MCUR1: variants seen among roughly 807,000 people sequenced by gnomAD.
MCUR1 encodes mitochondrial calcium uniporter regulator 1.
In MCUR1, 37 loss-of-function variants were observed where a neutral mutation model predicts 42.0. The observed-to-expected ratio is 0.88, with a 90% CI of 0.68 to 1.16. The LOEUF is 1.16. MCUR1 is among the 50% of genes most tolerant of loss of function. The pLI is 0.00. For missense variants in MCUR1, 469 were observed against 468.4 expected, an observed-to-expected ratio of 1.00 and a Z score of -0.01; for synonymous variants, 229 against 196.2, an observed-to-expected ratio of 1.17 and a Z score of -1.40.
rs1016002533 is a variant in MCUR1 at position 13,814,416 on chromosome 6, G to A, written c.14C>T (p.Ser5Leu). The change falls in exon 1 of 9, where the codon TCG (serine) becomes TTG (leucine). Residue 5 changes from serine to leucine, a missense_variant. Physicochemically the swap from Ser to Leu is moderately radical, Grantham distance 145 (BLOSUM62 -2). Coordinates refer to ENST00000379170, the MANE Select transcript of MCUR1 (RefSeq NM_001031713.4). The part of the protein sequence containing the change: MDCG[S>L]VGGQRTQRLP... Reference sequence around the variant, plus strand: ...GCGCTGGGTCCTCTGGCCGCCGACCGAGCCGCAGTCCATCCCCGAGCAGTT... The same window carrying A: ...GCGCTGGGTCCTCTGGCCGCCGACCAAGCCGCAGTCCATCCCCGAGCAGTT... 3.2e-6 allele frequency: 5 copies of A among 1,540,928 alleles called. No individual in the cohort carries two copies. The highest frequency in any genetic ancestry group is 4.3e-6 in the Non-Finnish European group (5 of 1,154,238).
intron 6 of MCUR1, among the ~76,000 whole-genome samples, chr6:13,795,319 C>G (rs539643703): frequency 9.2e-5 from 14 of 152,056 alleles, no homozygotes; most frequent in Non-Finnish European, 2.1e-4. Context: ...CACTAAACCT[C>G]AGTCTTCATT....
At position 13,790,812 on chromosome 6, in the gene MCUR1, G is replaced by A; in HGVS notation, c.1077C>T (p.Ile359=). 6.2e-7 allele frequency: 1 copy of A among 1,610,418 alleles called. No individual in the cohort carries two copies. Among genetic ancestry groups the A allele is most frequent in the Non-Finnish European group, 8.5e-7 (1 of 1,177,532 alleles). The change falls in exon 9 of 9, where the codon ATC becomes ATT. Residue 359 remains isoleucine, a synonymous_variant. Coordinates refer to ENST00000379170, the MANE Select transcript of MCUR1 (RefSeq NM_001031713.4). ...ATCACTTTAAATAGACACTTTATTA[G>A]ATCCACAGGCGATAAAATCCCAGAG... ...TVALGFYRLW[I] is the part of the protein sequence containing the mutation.
Position 13,814,052 on chromosome 6 carries a change from G to GT in MCUR1, c.377dup (p.Tyr126Ter). 4.0e-6 allele frequency: 5 copies of GT among 1,239,224 alleles called. No homozygotes were observed. The highest frequency in any genetic ancestry group is 4.0e-6 in the Non-Finnish European group (4 of 993,152). 76.8% of individuals were successfully genotyped at this position (1,239,224 alleles called of 1,614,324 possible). Residue 126 changes from tyrosine to a stop codon, truncating the protein, a stop_gained and frameshift_variant, in exon 1 of 9, where the codon TAC (tyrosine) becomes TAAC (stop). Transcript: ENST00000379170. LOFTEE classifies it high-confidence loss of function. ...AAACGAGTGCAGGCGCCGGGCCGTG[G>GT]TACTGGGGAAGGGCGCCGGCGGCAG... is the stretch of plus-strand genomic sequence containing the variant. ...VAAAAGALPQYHGPAPALVSC... is the reference protein window; with the variant it reads ...VAAAAGALPQ
At chr6:13,802,737 CTTT>C (rs2113468964) in intron 2 of MCUR1, among the ~76,000 whole-genome samples, 1 of 152,090 alleles carries the variant, frequency 6.6e-6, no homozygotes, top group South Asian at 2.1e-4. Context: ...TTATTTTCTT[CTTT>C]ATGTTTCTCT....
At chr6:13,812,475 C>T (rs975174790) in intron 1 of MCUR1, among the ~76,000 whole-genome samples, 1 of 152,158 alleles carries the variant, frequency 6.6e-6, no homozygotes, top group South Asian at 2.1e-4. Context: ...TCTCTTTTTG[C>T]CCTATACTCT....
At chr6:13,798,940 C>CA (rs1759922548) in intron 5 of MCUR1, 36 bp from the exon 6 acceptor site, 1 of 1,321,034 alleles carries the variant, frequency 7.6e-7, no homozygotes. Context: ...AGGAAAAATC[C>CA]AAAGTAAGAA....
intron 4 of MCUR1, 82 bp from the exon 5 acceptor site, chr6:13,800,464 C>A: frequency 1.3e-6 from 1 of 753,774 alleles, no homozygotes. Flanking sequence ...CATATTTATG[C>A]ACAAGTTCCT....
chr6:13,808,298 C>G (rs750729728), intron 1 of MCUR1, among the ~76,000 whole-genome samples: 1 of 152,160 alleles, frequency 6.6e-6, no homozygotes, highest in Non-Finnish European at 1.5e-5. Context: ...CTCCTTATAG[C>G]AGCACAAAAC....
intron 6 of MCUR1, among the ~76,000 whole-genome samples, chr6:13,794,577 T>C (rs1234909588): frequency 6.6e-6 from 1 of 151,928 alleles, no homozygotes; most frequent in Admixed American, 6.6e-5. Flanking sequence ...GACAAAGACA[T>C]TGTGTTGTGA....
chr6:13,813,302 G>A (rs955148918), intron 1 of MCUR1, among the ~76,000 whole-genome samples: 4 of 152,078 alleles, frequency 2.6e-5, no homozygotes, highest in African/African-American at 9.7e-5. Flanking sequence ...AATCGATTCT[G>A]ATCACCCTAT....
chr6:13,792,292 G>A (rs1237590759), intron 7 of MCUR1, among the ~76,000 whole-genome samples: 2 of 152,194 alleles, frequency 1.3e-5, no homozygotes, highest in South Asian at 4.1e-4. Flanking sequence ...TAATCTATGT[G>A]AAAAAGCATT....
chr6:13,802,214 A>G (rs1410641585), intron 3 of MCUR1, 29 bp downstream of exon 3: 1 of 1,569,558 alleles, frequency 6.4e-7, no homozygotes, highest in East Asian at 2.2e-5. Flanking sequence ...TCACAGTCCT[A>G]ATTTGCTAAA....
intron 7 of MCUR1, 116 bp from the exon 8 acceptor site, chr6:13,792,108 G>A (rs1759742316): frequency 1.4e-6 from 1 of 730,794 alleles, no homozygotes; most frequent in South Asian, 1.6e-5. Context: ...AGACTATGGA[G>A]GCCTGGGCTT....
chr6:13,812,149 A>G (rs1441162367), intron 1 of MCUR1, among the ~76,000 whole-genome samples: 1 of 152,178 alleles, frequency 6.6e-6, no homozygotes, highest in African/African-American at 2.4e-5. Context: ...GCATATCAAG[A>G]GAATATTAAA....
chr6:13,793,324 C>G (rs1452295736), intron 7 of MCUR1, among the ~76,000 whole-genome samples: 1 of 152,066 alleles, frequency 6.6e-6, no homozygotes, highest in African/African-American at 2.4e-5. Context: ...GCACCCATGC[C>G]CACAGCAGCA....
chr6:13,792,129 TC>T, intron 7 of MCUR1, 137 bp from the exon 8 acceptor site: 1 of 662,786 alleles, frequency 1.5e-6, no homozygotes, highest in Non-Finnish European at 2.6e-6. Context: ...TAGTCTCAGT[TC>T]TAAAACCCTA....
At chr6:13,796,967 T>C (rs532354878) in intron 6 of MCUR1, among the ~76,000 whole-genome samples, 1 of 150,932 alleles carries the variant, frequency 6.6e-6, no homozygotes, top group African/African-American at 2.5e-5. Flanking sequence ...CATGCTATAG[T>C]CAGTAACTAT....
At chr6:13,800,719 T>C (rs1268548481) in intron 4 of MCUR1, among the ~76,000 whole-genome samples, 1 of 152,224 alleles carries the variant, frequency 6.6e-6, no homozygotes, top group Non-Finnish European at 1.5e-5. Context: ...TTTACCACTT[T>C]ACTTTTTGCT....
rs780710613 is a variant in MCUR1 at position 13,790,823 on chromosome 6, G to A, written c.1066C>T (p.Arg356Cys). ...TAGACACTTTATTAGATCCACAGGC[G>A]ATAAAATCCCAGAGCTACTGTTAGG... ...TCLTVALGFY[R>C]LWI The change falls in exon 9 of 9, where the codon CGC becomes TGC. Residue 356 changes from arginine to cysteine, a missense_variant. Transcript: ENST00000379170. 9.3e-6 allele frequency: 15 copies of A among 1,611,044 alleles called. No individual in the cohort carries two copies. The highest frequency in any genetic ancestry group is 4.0e-5 in the African/African-American group (3 of 74,736).
Sources: gnomAD v4.1 joint callset for allele counts (sites outside exome capture counted in the v4.1 genomes callset) on GRCh38, gnomAD v4.1.1 for gene constraint, MANE v1.5 for transcripts, NCBI Gene and HGNC (gene_info 2026-07-23, HGNC 2026-07-21) for gene names.